EYS: variants seen among roughly 807,000 people sequenced by gnomAD.
EYS encodes EGF-like photoreceptor maintenance factor.
In EYS, 250 loss-of-function variants were observed where a neutral mutation model predicts 282.1. The ratio of observed to expected loss-of-function variants is 0.89; its 90% confidence interval spans 0.80 to 0.98. The LOEUF (loss-of-function observed/expected upper bound fraction) is 0.98, where lower values mean the gene tolerates loss of function less well. EYS is among the 50% of genes least tolerant of loss of function. The pLI is 0.00. For missense variants in EYS, 4,016 were observed against 3,709.0 expected (o/e 1.08, Z -2.15); for synonymous variants, 1,355 against 1,282.9 (o/e 1.06, Z -1.20).
chr6:64,978,266 T>A (rs1169740801), intron 14 of EYS, among the ~76,000 whole-genome samples: 2 of 151,876 alleles, frequency 1.3e-5, no homozygotes, highest in Admixed American at 1.3e-4. Flanking sequence ...CCCCAAATAC[T>A]AAGGCCCTTA....
chr6:65,444,193 A>T (rs1441635841), intron 5 of EYS, among the ~76,000 whole-genome samples: 3 of 151,996 alleles, frequency 2.0e-5, no homozygotes, highest in Non-Finnish European at 4.4e-5. Context: ...CTATTCTTCA[A>T]TATAGTCTCA....
chr6:65,515,815 T>C (rs1767109377), intron 2 of EYS, among the ~76,000 whole-genome samples: 1 of 136,074 alleles, frequency 7.3e-6, no homozygotes, highest in Non-Finnish European at 1.6e-5. Context: ...GGGGGAGGGA[T>C]AGCATTAGGA....
At chr6:64,480,754 C>T (rs973422233) in intron 26 of EYS, among the ~76,000 whole-genome samples, 5 of 151,754 alleles carry the variant, frequency 3.3e-5, no homozygotes, top group Non-Finnish European at 4.4e-5. Context: ...TGAGGTTTGT[C>T]GCTTACACAA....
intron 30 of EYS, among the ~76,000 whole-genome samples, chr6:64,241,465 G>A (rs1766825391): frequency 6.6e-6 from 1 of 152,008 alleles, no homozygotes; most frequent in Admixed American, 6.6e-5. Context: ...TTTAGTCTTG[G>A]GAGGGTGTAT....
chr6:65,249,584 C>G, intron 12 of EYS, among the ~76,000 whole-genome samples: 1 of 150,294 alleles, frequency 6.7e-6, no homozygotes, highest in East Asian at 1.9e-4. Flanking sequence ...GGTTTAAACA[C>G]TATCAAGAAA....
chr6:64,616,241 A>G (rs1260840516), intron 24 of EYS, among the ~76,000 whole-genome samples: 1 of 152,164 alleles, frequency 6.6e-6, no homozygotes, highest in Admixed American at 6.6e-5. Context: ...GGAAGACATT[A>G]TTGGTATAAT....
At chr6:63,750,768 C>T (rs578127200) in intron 41 of EYS, among the ~76,000 whole-genome samples, 14 of 152,262 alleles carry the variant, frequency 9.2e-5, no homozygotes, top group South Asian at 4.1e-4. Flanking sequence ...ACTGGAATTC[C>T]GTCTTTGTCT....
chr6:64,910,872 A>G (rs1307388085), intron 16 of EYS, among the ~76,000 whole-genome samples: 3 of 152,092 alleles, frequency 2.0e-5, no homozygotes, highest in Non-Finnish European at 2.9e-5. Flanking sequence ...TTAAGGTTTG[A>G]AAACAATGCC....
chr6:65,028,234 T>TC (rs1414702492), intron 13 of EYS, among the ~76,000 whole-genome samples: 1 of 151,910 alleles, frequency 6.6e-6, no homozygotes, highest in Non-Finnish European at 1.5e-5. Flanking sequence ...TTACTCAGAG[T>TC]CCCAAAATGT....
At chr6:63,940,126 G>A (rs1009670336) in intron 35 of EYS, among the ~76,000 whole-genome samples, 5 of 152,152 alleles carry the variant, frequency 3.3e-5, no homozygotes, top group Non-Finnish European at 7.4e-5. Context: ...ATCTTGTTTA[G>A]TGCATCTTGA....
intron 2 of EYS, among the ~76,000 whole-genome samples, chr6:65,602,509 C>A (rs1037261505): frequency 5.3e-5 from 8 of 151,846 alleles, no homozygotes; most frequent in African/African-American, 1.9e-4. Flanking sequence ...AATATTTATC[C>A]ATTCTTTCCA....
At chr6:64,456,912 G>A (rs1775575780) in intron 26 of EYS, among the ~76,000 whole-genome samples, 1 of 151,764 alleles carries the variant, frequency 6.6e-6, no homozygotes, top group Admixed American at 6.6e-5. Flanking sequence ...TCTTTACATA[G>A]CACTTTTACA....
chr6:64,946,373 A>G (rs1367167211), intron 14 of EYS, among the ~76,000 whole-genome samples: 1 of 152,036 alleles, frequency 6.6e-6, no homozygotes, highest in Non-Finnish European at 1.5e-5. Flanking sequence ...AAATTAACAG[A>G]CTTTTGGTCA....
At chr6:63,728,175 T>G (rs1398756720) in intron 41 of EYS, among the ~76,000 whole-genome samples, 1 of 152,164 alleles carries the variant, frequency 6.6e-6, no homozygotes, top group Non-Finnish European at 1.5e-5. Context: ...AATTTCATTG[T>G]TTCTCCTCTC....
intron 4 of EYS, among the ~76,000 whole-genome samples, chr6:65,493,559 A>AT (rs1766126661): frequency 1.3e-5 from 2 of 152,002 alleles, no homozygotes; most frequent in Non-Finnish European, 2.9e-5. Context: ...TGTTCCCTAC[A>AT]TTTTTTCAGT....
At chr6:65,217,714 G>A (rs527425598) in intron 12 of EYS, among the ~76,000 whole-genome samples, 4 of 152,090 alleles carry the variant, frequency 2.6e-5, no homozygotes, top group South Asian at 2.1e-4. Flanking sequence ...AAATGCAAAC[G>A]ATCTTTATGA....
intron 11 of EYS, among the ~76,000 whole-genome samples, chr6:65,299,408 C>A (rs947697958): frequency 6.6e-5 from 10 of 152,046 alleles, no homozygotes; most frequent in African/African-American, 2.4e-4. Flanking sequence ...TCCCCTGACC[C>A]CCCCCAAAAA....
At chr6:64,686,141 G>GA (rs1236410212) in intron 22 of EYS, among the ~76,000 whole-genome samples, 1 of 151,026 alleles carries the variant, frequency 6.6e-6, no homozygotes, top group African/African-American at 2.4e-5. Flanking sequence ...AGTGCTTAGG[G>GA]AAAAAATTAC....
At chr6:65,008,766 C>A (rs1349481357) in intron 13 of EYS, among the ~76,000 whole-genome samples, 2 of 152,144 alleles carry the variant, frequency 1.3e-5, no homozygotes, top group Non-Finnish European at 2.9e-5. Flanking sequence ...CCAGCCCATG[C>A]CATCACCCTC....
Sources: allele counts gnomAD v4.1 joint callset (sites outside exome capture counted in the v4.1 genomes callset), GRCh38; gene constraint gnomAD v4.1.1; transcripts MANE v1.5; gene names NCBI Gene and HGNC (gene_info 2026-07-23, HGNC 2026-07-21).